SLC16A7: variants seen among roughly 807,000 people sequenced by gnomAD.
The protein encoded by SLC16A7 is monocarboxylate transporter 2.
A neutral mutation model predicts 34.9 loss-of-function variants in SLC16A7; 33 were observed. The observed-to-expected ratio is 0.94, with a 90% CI of 0.72 to 1.26. The LOEUF (loss-of-function observed/expected upper bound fraction) is 1.26. Ranked by LOEUF, SLC16A7 falls within the 50% of genes most tolerant of loss-of-function variation. The pLI is 0.00. For synonymous variants in SLC16A7, 201 were observed against 206.6 expected, an observed-to-expected ratio of 0.97 and a Z score of 0.23; for missense variants, 573 against 578.1, an observed-to-expected ratio of 0.99 and a Z score of 0.09.
intron 3 of SLC16A7, among the ~76,000 whole-genome samples, chr12:59,758,031 A>G (rs1013848690): frequency 2.6e-5 from 4 of 152,136 alleles, no homozygotes; most frequent in African/African-American, 9.7e-5. Context: ...AATAAGTATT[A>G]CATACAATTC....
At chr12:59,648,276 C>T (rs1478690029) in intron 1 of SLC16A7, among the ~76,000 whole-genome samples, 1 of 152,064 alleles carries the variant, frequency 6.6e-6, no homozygotes, top group Non-Finnish European at 1.5e-5. Context: ...ATCCATGTCC[C>T]TTAGCTCTAT....
At chr12:59,778,770 G>A (rs1883001887) in intron 5 of SLC16A7, among the ~76,000 whole-genome samples, 1 of 152,062 alleles carries the variant, frequency 6.6e-6, no homozygotes, top group Non-Finnish European at 1.5e-5. Flanking sequence ...AACAGGTTAG[G>A]TGAAGCCATT....
intron 2 of SLC16A7, among the ~76,000 whole-genome samples, chr12:59,661,058 TTC>T (rs1266597555): frequency 1.3e-5 from 2 of 152,090 alleles, no homozygotes; most frequent in Admixed American, 6.6e-5. Flanking sequence ...TTATAACATA[TTC>T]TCTGTTATTC....
intron 2 of SLC16A7, among the ~76,000 whole-genome samples, chr12:59,694,106 C>T (rs570149748): frequency 7.9e-5 from 12 of 151,906 alleles, no homozygotes; most frequent in African/African-American, 2.4e-5. Context: ...AATCATATGG[C>T]ATGTGTGTGA....
intron 3 of SLC16A7, among the ~76,000 whole-genome samples, chr12:59,739,129 G>C (rs1877977817): frequency 6.6e-6 from 1 of 150,788 alleles, no homozygotes; most frequent in South Asian, 2.1e-4. Flanking sequence ...TGCCATGCTG[G>C]TGTGCTACAC....
chr12:59,753,081 G>A (rs1879792414), intron 3 of SLC16A7, among the ~76,000 whole-genome samples: 2 of 152,254 alleles, frequency 1.3e-5, no homozygotes, highest in South Asian at 4.1e-4. Context: ...CACAAGGCCT[G>A]CCCTAAAAGA....
At chr12:59,649,855 T>C (rs1046996705) in intron 1 of SLC16A7, among the ~76,000 whole-genome samples, 1 of 151,962 alleles carries the variant, frequency 6.6e-6, no homozygotes, top group South Asian at 2.1e-4. Context: ...AAGCTGAGAC[T>C]GGAGAATCAC....
At chr12:59,737,907 A>G (rs1238331651) in intron 3 of SLC16A7, among the ~76,000 whole-genome samples, 1 of 152,180 alleles carries the variant, frequency 6.6e-6, no homozygotes, top group South Asian at 2.1e-4. Flanking sequence ...ACTGGTCTAA[A>G]CTAGAGTACA....
intron 3 of SLC16A7, among the ~76,000 whole-genome samples, chr12:59,717,146 T>A (rs550329283): frequency 8.1e-4 from 124 of 152,340 alleles, no homozygotes; most frequent in African/African-American, 3.0e-3. Flanking sequence ...ATTTCTATCA[T>A]CTTCCAAAGA....
chr12:59,746,225 G>A (rs555928229), intron 3 of SLC16A7, among the ~76,000 whole-genome samples: 164 of 152,206 alleles, frequency 1.1e-3, no homozygotes, highest in Non-Finnish European at 2.0e-3. Flanking sequence ...TAATTAATTT[G>A]ATGTCAAATG....
intron 3 of SLC16A7, among the ~76,000 whole-genome samples, chr12:59,725,676 G>A (rs565814487): frequency 8.0e-4 from 121 of 152,144 alleles, no homozygotes; most frequent in African/African-American, 2.9e-3. Flanking sequence ...TATCCTACCT[G>A]GTGAATAATA....
At chr12:59,598,340 C>T (rs1215582859) in intron 1 of SLC16A7, among the ~76,000 whole-genome samples, 2 of 152,222 alleles carry the variant, frequency 1.3e-5, no homozygotes, top group Non-Finnish European at 1.5e-5. Context: ...ACCTAGAATA[C>T]AGACGGGCTA....
chr12:59,597,101 C>T (rs920829726), intron 1 of SLC16A7: 3 of 152,230 alleles, frequency 2.0e-5, no homozygotes, highest in African/African-American at 7.2e-5. Flanking sequence ...CCCCTTTTCT[C>T]CTCTACTTCC....
chr12:59,602,832 T>C (rs990079024), intron 1 of SLC16A7, among the ~76,000 whole-genome samples: 1 of 152,108 alleles, frequency 6.6e-6, no homozygotes, highest in East Asian at 1.9e-4. Context: ...GCTCATCTGC[T>C]CTGGACCTCC....
intron 3 of SLC16A7, among the ~76,000 whole-genome samples, chr12:59,756,039 A>G (rs558434424): frequency 6.1e-4 from 93 of 152,348 alleles, no homozygotes; most frequent in African/African-American, 2.2e-3. Context: ...GGTGCTGGGA[A>G]AACTGGCTAG....
At chr12:59,766,712 G>T (rs1881677433) in intron 3 of SLC16A7, among the ~76,000 whole-genome samples, 1 of 152,108 alleles carries the variant, frequency 6.6e-6, no homozygotes, top group Non-Finnish European at 1.5e-5. Context: ...GCTTTTTGAT[G>T]TGCTGCTGGA....
intron 3 of SLC16A7, among the ~76,000 whole-genome samples, chr12:59,734,994 A>G (rs1464096250): frequency 1.3e-5 from 2 of 152,206 alleles, no homozygotes; most frequent in South Asian, 2.1e-4. Flanking sequence ...TTTCTGTATA[A>G]CTAAATCATC....
chr12:59,604,656 G>A (rs2136959193), intron 1 of SLC16A7, among the ~76,000 whole-genome samples: 1 of 152,232 alleles, frequency 6.6e-6, no homozygotes, highest in African/African-American at 2.4e-5. Context: ...AAGCATTTTT[G>A]TTATCCTCAT....
intron 2 of SLC16A7, among the ~76,000 whole-genome samples, chr12:59,659,454 G>A (rs528598536): frequency 3.9e-5 from 6 of 152,058 alleles, no homozygotes; most frequent in South Asian, 2.1e-4. Context: ...TTATTCCAGC[G>A]AGTGACTATT....
Sources: gnomAD v4.1 joint callset for allele counts (sites outside exome capture counted in the v4.1 genomes callset) on GRCh38, gnomAD v4.1.1 for gene constraint, MANE v1.5 for transcripts, NCBI Gene and HGNC (gene_info 2026-07-23, HGNC 2026-07-21) for gene names.